HECW2: variants seen among roughly 807,000 people sequenced by gnomAD.
The protein encoded by HECW2 is E3 ubiquitin-protein ligase HECW2.
A neutral mutation model predicts 175.2 loss-of-function variants in HECW2; 61 were observed. The observed-to-expected ratio is 0.35, with a 90% CI of 0.28 to 0.43. HECW2 has a LOEUF of 0.43. Among genes scored for constraint, HECW2 ranks in the 20% least tolerant of loss-of-function variants. The probability of loss-of-function intolerance (pLI) is 1.00; values close to 1 mark genes in which losing one functional copy is unlikely to be tolerated. For synonymous variants in HECW2, 671 were observed against 731.0 expected (o/e 0.92, Z 1.32); for missense variants, 1,524 against 2,000.5 (o/e 0.76, Z 4.54).
intron 1 of HECW2, among the ~76,000 whole-genome samples, chr2:196,558,585 C>A (rs1450736607): frequency 6.6e-6 from 1 of 152,226 alleles, no homozygotes; most frequent in Non-Finnish European, 1.5e-5. Flanking sequence ...TTACCACTTG[C>A]TATTGTTTTA....
rs1208909460 is a variant in HECW2, at chr2:196,319,158, T to G, written c.1732A>C (p.Ser578Arg). The G allele has an allele frequency of 1.9e-6, 3 of 1,595,030 alleles. No individual in the cohort carries two copies. The African/African-American group carries it at 4.0e-5, about 21-fold the overall frequency. The change falls in exon 9 of 29, where the codon AGT (serine) becomes CGT (arginine). Residue 578 changes from serine (S) to arginine (R), a missense_variant. Physicochemically the swap from Ser to Arg is moderately radical, Grantham distance 110 (BLOSUM62 -1). Coordinates refer to ENST00000644978, the MANE Select transcript of HECW2 (RefSeq NM_001348768.2). ...CGSQEVDQPT[S>R]GADTGTSDAS... ...TCGGAAGTCCCTGTGTCTGCGCCAC[T>G]TGTGGGCTGATCTACCTCTTGAGAG...
At chr2:196,225,933 G>T in intron 22 of HECW2, 63 bp from the exon 23 acceptor site, 1 of 1,017,688 alleles carries the variant, frequency 9.8e-7, no homozygotes, top group Non-Finnish European at 1.6e-6. Flanking sequence ...GGTTCCATAT[G>T]CTTTCTAGAA....
At chr2:196,375,214 C>G (rs989495572) in intron 2 of HECW2, among the ~76,000 whole-genome samples, 1 of 151,854 alleles carries the variant, frequency 6.6e-6, no homozygotes. Flanking sequence ...ATCTGTTGAG[C>G]TGTTGTATTC....
intron 23 of HECW2, 72 bp from the exon 24 acceptor site, chr2:196,222,412 G>T: frequency 7.1e-7 from 1 of 1,414,468 alleles, no homozygotes; most frequent in Non-Finnish European, 9.7e-7. Context: ...CATAAGGAAA[G>T]AAACTAAGAA....
chr2:196,247,772 C>G (rs1688703050), intron 19 of HECW2, among the ~76,000 whole-genome samples: 1 of 152,194 alleles, frequency 6.6e-6, no homozygotes, highest in Admixed American at 6.5e-5. Flanking sequence ...CCCGGGCAGT[C>G]TCAGTCTTTT....
intron 28 of HECW2, among the ~76,000 whole-genome samples, chr2:196,212,866 T>C: frequency 6.6e-6 from 1 of 152,222 alleles, no homozygotes; most frequent in Non-Finnish European, 1.5e-5. Context: ...TGTTATTTTT[T>C]TGTACCATGT....
intron 1 of HECW2, among the ~76,000 whole-genome samples, chr2:196,572,776 C>T (rs1193028685): frequency 6.6e-6 from 1 of 152,078 alleles, no homozygotes; most frequent in African/African-American, 2.4e-5. Context: ...TTAGCTAGCT[C>T]CCTTTTTGCC....
At chr2:196,264,119 G>A (rs1225131559) in intron 17 of HECW2, 1 of 152,166 alleles carries the variant, frequency 6.6e-6, no homozygotes, top group Non-Finnish European at 1.5e-5. Context: ...TGTAAGAAAT[G>A]CTTCTGATTC....
intron 1 of HECW2, among the ~76,000 whole-genome samples, chr2:196,576,001 C>A (rs953775740): frequency 2.0e-5 from 3 of 152,148 alleles, no homozygotes; most frequent in Admixed American, 2.0e-4. Flanking sequence ...TTGGGGATCA[C>A]ATTTCAACAT....
chr2:196,370,903 G>C (rs1184757757), intron 2 of HECW2, among the ~76,000 whole-genome samples: 1 of 152,122 alleles, frequency 6.6e-6, no homozygotes, highest in African/African-American at 2.4e-5. Flanking sequence ...CTGGAGGATA[G>C]GGGGGATGCA....
intron 28 of HECW2, among the ~76,000 whole-genome samples, chr2:196,203,450 G>A (rs899819024): frequency 2.0e-5 from 3 of 152,108 alleles, no homozygotes; most frequent in Non-Finnish European, 4.4e-5. Flanking sequence ...CCAGGGGTAG[G>A]GGAGGAAGAA....
chr2:196,419,052 T>C (rs529699352), intron 2 of HECW2, among the ~76,000 whole-genome samples: 1 of 152,312 alleles, frequency 6.6e-6, no homozygotes, highest in Non-Finnish European at 1.5e-5. Flanking sequence ...TCTGCACAGA[T>C]AATGCAGCAC....
At position 196,259,114 on chromosome 2, in the gene HECW2, T is replaced by C. The variant is rs547444233; in HGVS notation, c.3336-1208A>G. 1.4e-3 allele frequency among the ~76,000 whole-genome samples: 211 copies of C among 152,258 alleles called. 1 individual carries two copies. The highest frequency in any genetic ancestry group is 2.3e-3 in the Non-Finnish European group (157 of 68,004). ...TCAGACATTTGAGTAGCTGGGATTATAGGCATGTGTCACCACGCCCAGCTA... is the reference window on the plus strand; with the variant it reads ...TCAGACATTTGAGTAGCTGGGATTACAGGCATGTGTCACCACGCCCAGCTA... On this transcript the variant is annotated intron_variant, in intron 17 of 28. Coordinates refer to ENST00000644978, the MANE Select transcript of HECW2 (RefSeq NM_001348768.2).
Position 196,197,300 on chromosome 2 carries a change from CATAA to C in HECW2, c.*3973_*3976del, listed in dbSNP as rs1431021350. On this transcript the variant is annotated 3_prime_UTR_variant, in exon 29 of 29. Transcript: ENST00000644978. ...TTTGCCTTGTTAGAAGTGGTCCAATCATAAATAAAATTTGTGAATTTTATCACTG... is the reference window on the plus strand; with the variant it reads ...TTTGCCTTGTTAGAAGTGGTCCAATCATAAAATTTGTGAATTTTATCACTG... The C allele has an allele frequency of 6.6e-6, 1 of 150,836 alleles. No individual in the cohort carries two copies. Among genetic ancestry groups the C allele is most frequent in the African/African-American group, 2.4e-5 (1 of 40,886 alleles). The allele number at this position is 150,836 out of a possible 1,614,324, so 9.3% of individuals were successfully genotyped here.
At chr2:196,512,768 C>T (rs1687999413) in intron 1 of HECW2, among the ~76,000 whole-genome samples, 1 of 152,022 alleles carries the variant, frequency 6.6e-6, no homozygotes, top group Non-Finnish European at 1.5e-5. Context: ...CAGCTCACTG[C>T]AACCTCCACC....
intron 17 of HECW2, among the ~76,000 whole-genome samples, chr2:196,264,474 T>G (rs940894886): frequency 6.6e-6 from 1 of 152,138 alleles, no homozygotes; most frequent in Non-Finnish European, 1.5e-5. Context: ...AACCACTTAT[T>G]AGCAAAAAAA....
intron 2 of HECW2, among the ~76,000 whole-genome samples, chr2:196,424,477 C>G (rs1024958704): frequency 1.4e-4 from 22 of 152,234 alleles, no homozygotes; most frequent in African/African-American, 5.3e-4. Flanking sequence ...TTGCTTCGAA[C>G]AGTTAGCCAA....
chr2:196,418,620 C>A (rs371048175), intron 2 of HECW2, among the ~76,000 whole-genome samples: 1 of 152,070 alleles, frequency 6.6e-6, no homozygotes, highest in African/African-American at 2.4e-5. Context: ...TGCACATTTT[C>A]GGAAACAAGA....
chr2:196,392,335 A>C (rs937299207), intron 2 of HECW2, among the ~76,000 whole-genome samples: 2 of 152,042 alleles, frequency 1.3e-5, no homozygotes, highest in Non-Finnish European at 2.9e-5. Context: ...CCACTATTCA[A>C]CTCGGATAGG....
Sources: allele counts gnomAD v4.1 joint callset (sites outside exome capture counted in the v4.1 genomes callset), GRCh38; gene constraint gnomAD v4.1.1; transcripts MANE v1.5; gene names NCBI Gene and HGNC (gene_info 2026-07-23, HGNC 2026-07-21).